PTPRK: variants seen among roughly 807,000 people sequenced by gnomAD.
The protein encoded by PTPRK is receptor-type tyrosine-protein phosphatase kappa.
A neutral mutation model predicts 178.0 loss-of-function variants in PTPRK; 75 were observed. That is an observed-to-expected ratio of 0.42 (90% CI 0.35 to 0.51). The LOEUF (loss-of-function observed/expected upper bound fraction) is 0.51. Among genes scored for constraint, PTPRK ranks in the 20% least tolerant of loss-of-function variants. The pLI is 0.02. For missense variants in PTPRK, 1,441 were observed against 1,797.8 expected, an observed-to-expected ratio of 0.80 and a Z score of 3.59; for synonymous variants, 637 against 620.6, an observed-to-expected ratio of 1.03 and a Z score of -0.39.
At chr6:128,168,281 A>T (rs545738770) in intron 7 of PTPRK, among the ~76,000 whole-genome samples, 4 of 152,148 alleles carry the variant, frequency 2.6e-5, no homozygotes, top group African/African-American at 7.2e-5. Context: ...AGTGTTGGTG[A>T]GGTGGTAGAG....
intron 6 of PTPRK, among the ~76,000 whole-genome samples, chr6:128,194,845 C>G (rs1027591476): frequency 6.6e-6 from 1 of 152,082 alleles, no homozygotes; most frequent in African/African-American, 2.4e-5. Flanking sequence ...GGCTATTATT[C>G]CATTCTAGAT....
chr6:127,970,202 A>T lies in PTPRK; in HGVS notation c.*25T>A. The stretch of plus-strand genomic sequence containing the variant: ...AATAGATGGACAGGTTTCTTCATGG[A>T]TGCACTTTAAAGAGTCTCACCCAAC... On this transcript the variant is annotated 3_prime_UTR_variant, in exon 30 of 30. Coordinates refer to ENST00000368226, the MANE Select transcript of PTPRK (RefSeq NM_002844.4). The T allele has an allele frequency of 1.3e-6, 2 of 1,578,812 alleles. No individual in the cohort carries two copies. The highest frequency in any genetic ancestry group is 4.5e-5 in the East Asian group (2 of 44,030).
At chr6:128,105,131 T>C (rs1789472120) in intron 7 of PTPRK, among the ~76,000 whole-genome samples, 2 of 138,890 alleles carry the variant, frequency 1.4e-5, no homozygotes, top group Non-Finnish European at 3.1e-5. Context: ...CACTTATTTC[T>C]TTTTTTTTTT....
At chr6:128,058,718 A>T (rs1202128260) in intron 13 of PTPRK, among the ~76,000 whole-genome samples, 5 of 152,002 alleles carry the variant, frequency 3.3e-5, no homozygotes, top group Non-Finnish European at 7.4e-5. Context: ...TTATTTTTTT[A>T]AAAAATTGTT....
At chr6:128,333,241 C>T (rs1830497723) in intron 2 of PTPRK, among the ~76,000 whole-genome samples, 1 of 152,168 alleles carries the variant, frequency 6.6e-6, no homozygotes, top group Admixed American at 6.5e-5. Context: ...CAATTCCCAC[C>T]TGTTGTCTGG....
chr6:128,403,335 T>C (rs1841261086), intron 1 of PTPRK, among the ~76,000 whole-genome samples: 2 of 152,200 alleles, frequency 1.3e-5, no homozygotes, highest in African/African-American at 4.8e-5. Flanking sequence ...TAAAATCCCT[T>C]ATACATCTAT....
intron 7 of PTPRK, among the ~76,000 whole-genome samples, chr6:128,125,311 A>G (rs761530656): frequency 6.6e-6 from 1 of 152,104 alleles, no homozygotes; most frequent in Non-Finnish European, 1.5e-5. Context: ...ATACCCTGTG[A>G]TACTGTCCTC....
At chr6:128,257,794 T>TA (rs1817577499) in intron 3 of PTPRK, among the ~76,000 whole-genome samples, 1 of 152,158 alleles carries the variant, frequency 6.6e-6, no homozygotes. Context: ...AATGCCAACT[T>TA]TTCACCCCTT....
In PTPRK at chr6:128,013,612, T is replaced by C. The variant is rs183273108; in HGVS notation, c.2195-4344A>G. 8.8e-4 allele frequency among the ~76,000 whole-genome samples: 133 copies of C among 151,604 alleles called. 1 individual carries two copies. The highest frequency in any genetic ancestry group is 8.3e-3 in the Admixed American group (125 of 15,138). ...ATTCTTGAATCCTCCACTTTCCTTA[T>C]CTCTAGGATTAACATTTATCATCCA... On this transcript the variant is annotated intron_variant, in intron 13 of 29. Coordinates refer to ENST00000368226, the MANE Select transcript of PTPRK (RefSeq NM_002844.4).
chr6:128,046,981 G>A (rs1378925802), intron 13 of PTPRK, among the ~76,000 whole-genome samples: 2 of 152,012 alleles, frequency 1.3e-5, no homozygotes, highest in Non-Finnish European at 2.9e-5. Context: ...AGAGAAAAGG[G>A]CACCAATGAA....
chr6:128,345,619 C>T (rs1380176902), intron 2 of PTPRK, among the ~76,000 whole-genome samples: 2 of 152,210 alleles, frequency 1.3e-5, no homozygotes, highest in African/African-American at 4.8e-5. Context: ...CGAAGCTTAG[C>T]TTCAGGAGAA....
rs576672235 is a variant in PTPRK at position 128,273,037 on chromosome 6, G to A, written c.496-30435C>T. Among the ~76,000 whole-genome samples the A allele has an allele frequency of 2.7e-3, 406 of 152,244 alleles. 2 individuals are homozygous for A. Among genetic ancestry groups the A allele is most frequent in the African/African-American group, 9.3e-3 (387 of 41,542 alleles). On this transcript the variant is annotated intron_variant, in intron 3 of 29. Transcript: ENST00000368226. ...TTGAATACTATGCAGCTATAAAAAAGGATGAGTTCATGTCCTTTGTAGGGA... is the reference window on the plus strand; with the variant it reads ...TTGAATACTATGCAGCTATAAAAAAAGATGAGTTCATGTCCTTTGTAGGGA...
chr6:128,364,132 A>G (rs796861935), intron 2 of PTPRK, among the ~76,000 whole-genome samples: 25 of 152,276 alleles, frequency 1.6e-4, no homozygotes, highest in African/African-American at 5.5e-4. Context: ...AAAATAGACC[A>G]TACTCAAATT....
chr6:128,032,000 A>G (rs1040618354), intron 13 of PTPRK, among the ~76,000 whole-genome samples: 4 of 152,172 alleles, frequency 2.6e-5, no homozygotes, highest in Non-Finnish European at 5.9e-5. Context: ...GGACCAGTGT[A>G]TTCGCAGTCA....
At chr6:128,045,137 C>G (rs138252645) in intron 13 of PTPRK, among the ~76,000 whole-genome samples, 40 of 152,116 alleles carry the variant, frequency 2.6e-4, no homozygotes, top group South Asian at 1.5e-3. Context: ...AAGTCATCAT[C>G]GCTGTTCTTG....
At chr6:128,074,976 ATATT>A (rs987276082) in intron 11 of PTPRK, among the ~76,000 whole-genome samples, 3 of 152,034 alleles carry the variant, frequency 2.0e-5, no homozygotes, top group African/African-American at 7.2e-5. Context: ...AATACTGAAA[ATATT>A]TATCACTTAA....
intron 7 of PTPRK, among the ~76,000 whole-genome samples, chr6:128,123,276 G>A (rs902909121): frequency 2.6e-5 from 4 of 152,162 alleles, no homozygotes; most frequent in Admixed American, 6.5e-5. Flanking sequence ...TGGCACTGCA[G>A]ACACATTGAT....
At chr6:128,057,556 C>G (rs886874603) in intron 13 of PTPRK, among the ~76,000 whole-genome samples, 1 of 152,182 alleles carries the variant, frequency 6.6e-6, no homozygotes, top group Non-Finnish European at 1.5e-5. Context: ...TCTTGATAGA[C>G]AGCATTTCAC....
At chr6:128,321,806 C>T (rs994704027) in intron 3 of PTPRK, 1 of 712,466 alleles carries the variant, frequency 1.4e-6, no homozygotes, top group East Asian at 2.7e-5. Flanking sequence ...AGGTTTTGTG[C>T]CAATGTCTCC....
Sources: allele counts gnomAD v4.1 joint callset (sites outside exome capture counted in the v4.1 genomes callset), GRCh38; gene constraint gnomAD v4.1.1; transcripts MANE v1.5; gene names NCBI Gene and HGNC (gene_info 2026-07-23, HGNC 2026-07-21).